The following RPS6KA2 variants were observed in gnomAD, a reference collection of about 807,000 sequenced individuals.
RPS6KA2 encodes the protein ribosomal protein S6 kinase A2.
A neutral mutation model predicts 91.8 loss-of-function variants in RPS6KA2; 42 were observed. The observed-to-expected ratio is 0.46, with a 90% CI of 0.36 to 0.59. The LOEUF is 0.59. RPS6KA2 is among the 20% of genes least tolerant of loss of function. The pLI is 0.00. For missense variants in RPS6KA2, 798 were observed against 978.5 expected, an observed-to-expected ratio of 0.82 and a Z score of 2.46; for synonymous variants, 414 against 393.6, an observed-to-expected ratio of 1.05 and a Z score of -0.61.
intron 2 of RPS6KA2, among the ~76,000 whole-genome samples, chr6:166,709,212 T>C (rs1055175282): frequency 6.6e-6 from 1 of 152,210 alleles, no homozygotes; most frequent in East Asian, 1.9e-4. Flanking sequence ...ATAACGGATG[T>C]GGGGTGCTTG....
chr6:166,520,350 C>T (rs906951176), intron 3 of RPS6KA2, among the ~76,000 whole-genome samples: 13 of 152,064 alleles, frequency 8.5e-5, no homozygotes, highest in Non-Finnish European at 1.0e-4. Flanking sequence ...ACTTTGAATT[C>T]GGACTGGAAC....
At chr6:166,461,482 A>T (rs2281050) in intron 11 of RPS6KA2, among the ~76,000 whole-genome samples, 1 of 144,514 alleles carries the variant, frequency 6.9e-6, no homozygotes, top group South Asian at 2.3e-4. Flanking sequence ...GTGTGAGAGC[A>T]AGCGAGGGAG....
chr6:166,763,379 C>T (rs1778223847), intron 2 of RPS6KA2, among the ~76,000 whole-genome samples: 1 of 152,202 alleles, frequency 6.6e-6, no homozygotes, highest in Admixed American at 6.5e-5. Flanking sequence ...CCACATGGCT[C>T]GGTTCAAATC....
chr6:166,850,398 A>G (rs1372318449), intron 2 of RPS6KA2, among the ~76,000 whole-genome samples: 3 of 152,194 alleles, frequency 2.0e-5, no homozygotes, highest in African/African-American at 7.2e-5. Context: ...TAGGATTAAT[A>G]AAATATAAGG....
rs548547507 is a variant in RPS6KA2 at position 166,684,698 on chromosome 6, G to A, written c.124-145914C>T. On this transcript the variant is annotated intron_variant, in intron 2 of 21. Transcript: ENST00000503859. The stretch of plus-strand genomic sequence containing the variant: ...AGGCCCCAGGAATCCGGCAGATGCC[G>A]TTGGATGTATCCACAGTGCAGCTCC... Among the ~76,000 whole-genome samples the A allele has an allele frequency of 2.4e-3, 370 of 152,238 alleles. 2 individuals are homozygous for A. The highest frequency in any genetic ancestry group is 3.9e-3 in the Non-Finnish European group (264 of 68,012).
chr6:166,498,054 G>C (rs897188883), intron 8 of RPS6KA2, among the ~76,000 whole-genome samples: 4 of 151,468 alleles, frequency 2.6e-5, no homozygotes, highest in Non-Finnish European at 5.9e-5. Context: ...GTCCAAACTG[G>C]GTTCTGTTAA....
chr6:166,627,350 C>CT, upstream of RPS6KA2: 1 of 433,468 alleles, frequency 2.3e-6, no homozygotes, highest in African/African-American at 2.1e-5. Context: ...CCTCCTCCTC[C>CT]TCCGCCCCGC....
At chr6:166,674,937 G>A (rs1405874184) in intron 2 of RPS6KA2, among the ~76,000 whole-genome samples, 1 of 152,192 alleles carries the variant, frequency 6.6e-6, no homozygotes, top group East Asian at 1.9e-4. Context: ...CCAAAGTGCT[G>A]GGATTATAGG....
At chr6:166,799,858 C>T (rs904110290) in intron 2 of RPS6KA2, among the ~76,000 whole-genome samples, 4 of 151,998 alleles carry the variant, frequency 2.6e-5, no homozygotes, top group Non-Finnish European at 4.4e-5. Context: ...CCCCTGTCTC[C>T]GGAGTAGTGT....
chr6:166,673,740 T>A (rs994416269), intron 2 of RPS6KA2, among the ~76,000 whole-genome samples: 2 of 152,276 alleles, frequency 1.3e-5, no homozygotes, highest in African/African-American at 4.8e-5. Flanking sequence ...TGATTTTTCT[T>A]TTTTTAGCTC....
chr6:166,829,185 T>C (rs527274533), intron 2 of RPS6KA2, among the ~76,000 whole-genome samples: 5 of 152,172 alleles, frequency 3.3e-5, no homozygotes, highest in East Asian at 3.9e-4. Context: ...AAGCAGAAAA[T>C]AGCAAATGGC....
At chr6:166,707,186 C>A (rs1460874280) in intron 2 of RPS6KA2, among the ~76,000 whole-genome samples, 1 of 152,182 alleles carries the variant, frequency 6.6e-6, no homozygotes, top group East Asian at 1.9e-4. Context: ...GACAGATAAC[C>A]CTTTGTGCAA....
chr6:166,591,774 G>A (rs1785362082), intron 1 of RPS6KA2, among the ~76,000 whole-genome samples: 2 of 152,204 alleles, frequency 1.3e-5, no homozygotes, highest in South Asian at 4.1e-4. Flanking sequence ...GTTTCTTACA[G>A]TAGCCCCAGA....
chr6:166,531,181 G>T, intron 3 of RPS6KA2, 51 bp downstream of exon 3: 1 of 1,171,186 alleles, frequency 8.5e-7, no homozygotes, highest in Non-Finnish European at 1.3e-6. Flanking sequence ...TAACGGAGTA[G>T]AAATTGCAGT....
chr6:166,584,975 C>G (rs1000682593), intron 1 of RPS6KA2, among the ~76,000 whole-genome samples: 1 of 152,238 alleles, frequency 6.6e-6, no homozygotes, highest in Admixed American at 6.5e-5. Context: ...CAAGATGTCT[C>G]AAAACACACA....
intron 2 of RPS6KA2, among the ~76,000 whole-genome samples, chr6:166,651,363 T>TA (rs751374211): frequency 9.8e-5 from 15 of 152,304 alleles, no homozygotes; most frequent in Non-Finnish European, 1.6e-4. Context: ...TGCACAGGAT[T>TA]ATGTAAGAGT....
At chr6:166,836,324 C>T (rs1036339372) in intron 2 of RPS6KA2, among the ~76,000 whole-genome samples, 1 of 151,986 alleles carries the variant, frequency 6.6e-6, no homozygotes, top group Non-Finnish European at 1.5e-5. Context: ...GGTAATATTT[C>T]TTCCTTAAAT....
At chr6:166,516,382 G>T (rs988638956) in intron 3 of RPS6KA2, among the ~76,000 whole-genome samples, 21 of 152,298 alleles carry the variant, frequency 1.4e-4, no homozygotes, top group Admixed American at 1.0e-3. Context: ...CTAGGCAGAA[G>T]ACACAGGGCT....
In RPS6KA2 at chr6:166,665,401, A is replaced by G. The variant is rs571263740; in HGVS notation, c.124-126617T>C. Among the ~76,000 whole-genome samples the G allele has an allele frequency of 3.3e-5, 5 of 152,040 alleles. No homozygotes were observed. The highest frequency in any genetic ancestry group is 7.4e-5 in the Non-Finnish European group (5 of 68,002). ...TGTGCCTATACCCAATGTCACCCAA[A>G]CCCAAAGAAGGGTTTGCAGCAGCAG... On this transcript the variant is annotated intron_variant, in intron 2 of 21. Transcript: ENST00000503859. The surrounding 1 kb of genome is among the most constrained non-coding windows in gnomAD (Gnocchi z 4.5).
Sources: allele counts gnomAD v4.1 joint callset (sites outside exome capture counted in the v4.1 genomes callset), GRCh38; gene constraint gnomAD v4.1.1; non-coding constraint Gnocchi (gnomAD v3.1); transcripts MANE v1.5; gene names NCBI Gene and HGNC (gene_info 2026-07-23, HGNC 2026-07-21).